Variants in NALCN observed in about 807,000 individuals in gnomAD.
The protein encoded by NALCN is sodium leak channel, non-selective, also known as sodium leak channel NALCN.
In NALCN, 111 loss-of-function variants were observed where a neutral mutation model predicts 225.3. The ratio of observed to expected loss-of-function variants is 0.49; its 90% CI spans 0.42 to 0.58. NALCN has a LOEUF of 0.58. Among genes scored for constraint, NALCN ranks in the 20% least tolerant of loss-of-function variants. The pLI is 0.00. For missense variants in NALCN, 1,378 were observed against 2,202.4 expected, an observed-to-expected ratio of 0.63 and a Z score of 7.49; for synonymous variants, 764 against 769.0, an observed-to-expected ratio of 0.99 and a Z score of 0.11.
intron 2 of NALCN, among the ~76,000 whole-genome samples, chr13:101,395,940 T>C (rs1381706135): frequency 1.3e-5 from 2 of 152,204 alleles, no homozygotes; most frequent in Non-Finnish European, 2.9e-5. Context: ...CCTTTCTATT[T>C]GTATCTGATA....
intron 7 of NALCN, among the ~76,000 whole-genome samples, chr13:101,324,316 T>C (rs1451010407): frequency 6.6e-6 from 1 of 152,244 alleles, no homozygotes; most frequent in African/African-American, 2.4e-5. Context: ...AACATTTTAG[T>C]GGGTTTCTGT....
At chr13:101,083,883 CA>C in intron 30 of NALCN, 79 bp from the exon 31 acceptor site, 1 of 1,330,254 alleles carries the variant, frequency 7.5e-7, no homozygotes, top group Non-Finnish European at 1.1e-6. Context: ...GGTGCCGAGA[CA>C]AACAGGACTG....
At chr13:101,293,943 T>C (rs2043641906) in intron 7 of NALCN, among the ~76,000 whole-genome samples, 1 of 152,234 alleles carries the variant, frequency 6.6e-6, no homozygotes, top group South Asian at 2.1e-4. Context: ...GTAAAGCATG[T>C]TGAGTTTCTA....
chr13:101,303,299 G>A (rs768970536), intron 7 of NALCN, among the ~76,000 whole-genome samples: 4 of 152,134 alleles, frequency 2.6e-5, no homozygotes, highest in Non-Finnish European at 4.4e-5. Flanking sequence ...CTACAAAGAC[G>A]TGGTTCTCTG....
intron 7 of NALCN, among the ~76,000 whole-genome samples, chr13:101,327,814 T>C (rs909612950): frequency 3.3e-4 from 50 of 152,138 alleles, no homozygotes; most frequent in Non-Finnish European, 1.3e-4. Flanking sequence ...TGTGGGAAGA[T>C]AGAATCAAAA....
At chr13:101,291,857 G>T in intron 9 of NALCN, 133 bp downstream of exon 9, 1 of 885,066 alleles carries the variant, frequency 1.1e-6, no homozygotes, top group Non-Finnish European at 1.8e-6. Flanking sequence ...ACTGGCAACT[G>T]TATTTTTAAA....
At chr13:101,177,797 T>C (rs1444839177) in intron 14 of NALCN, among the ~76,000 whole-genome samples, 1 of 152,140 alleles carries the variant, frequency 6.6e-6, no homozygotes, top group Non-Finnish European at 1.5e-5. Context: ...AGCATGAAGG[T>C]CAGAAAGTTG....
In NALCN at chr13:101,053,921, G is replaced by A. The variant is rs532069848; in HGVS notation, c.*1374C>T. 1.3e-5 allele frequency: 2 copies of A among 152,250 alleles called. No individual in the cohort carries two copies. The highest frequency in any genetic ancestry group is 4.2e-4 in the South Asian group (2 of 4,818). 9.4% of individuals were successfully genotyped at this position (152,250 alleles called of 1,614,324 possible). On this transcript the variant is annotated 3_prime_UTR_variant, in exon 44 of 44. Coordinates refer to ENST00000251127, the MANE Select transcript of NALCN (RefSeq NM_052867.4). ...CAATGAATCATATAAACTGTAGACT[G>A]CCACTACCACGATACTTCTGTGACA...
chr13:101,107,411 T>G, intron 22 of NALCN, 76 bp downstream of exon 22: 1 of 1,603,134 alleles, frequency 6.2e-7, no homozygotes, highest in South Asian at 1.1e-5. Flanking sequence ...TACACGTTCC[T>G]TCTTCTTCAT....
Position 101,379,655 on chromosome 13 carries a change from G to C in NALCN, c.292-1002C>G, listed in dbSNP as rs146140209. Among the ~76,000 whole-genome samples the C allele has an allele frequency of 2.2e-4, 33 of 152,180 alleles. 1 individual carries two copies. In the East Asian group the frequency reaches 5.8e-3, roughly 27 times the overall value. Reference sequence around the variant, plus strand: ...ACTGCATGTTCTCACTCATAAGTGGGAGTCGAACAATGAGAACATATGGAC... The same window carrying C: ...ACTGCATGTTCTCACTCATAAGTGGCAGTCGAACAATGAGAACATATGGAC... On this transcript the variant is annotated intron_variant, in intron 3 of 43. Transcript: ENST00000251127.
intron 17 of NALCN, among the ~76,000 whole-genome samples, chr13:101,133,527 T>C (rs2036616087): frequency 6.6e-6 from 1 of 152,178 alleles, no homozygotes; most frequent in Non-Finnish European, 1.5e-5. Flanking sequence ...CCAAATAAAA[T>C]ATAGTAATTG....
intron 7 of NALCN, among the ~76,000 whole-genome samples, chr13:101,324,825 G>A (rs1029049281): frequency 6.6e-6 from 1 of 152,136 alleles, no homozygotes; most frequent in Non-Finnish European, 1.5e-5. Flanking sequence ...GAATAGGAGT[G>A]GTGAGGGAGG....
intron 40 of NALCN, among the ~76,000 whole-genome samples, chr13:101,063,663 G>A (rs574730541): frequency 6.6e-6 from 1 of 152,216 alleles, no homozygotes; most frequent in South Asian, 2.1e-4. Flanking sequence ...GAACTGGATA[G>A]TGGGAGGTGA....
chr13:101,090,000 T>G lies in NALCN; in HGVS notation c.3270-34A>C. 1 of 1,612,838 alleles carries G rather than the reference T, an allele frequency of 6.2e-7. No homozygotes were observed. The highest frequency in any genetic ancestry group is 8.5e-7 in the Non-Finnish European group (1 of 1,179,228). Reference sequence around the variant, plus strand: ...CCAATACAGGAATGTTCTGTGAAATTCCAATAAGCAGCACCCGAAGGCAAA... The same window carrying G: ...CCAATACAGGAATGTTCTGTGAAATGCCAATAAGCAGCACCCGAAGGCAAA... On this transcript the variant is annotated intron_variant, in intron 28 of 43. Coordinates refer to ENST00000251127, the MANE Select transcript of NALCN (RefSeq NM_052867.4). The surrounding 1 kb of genome is among the most constrained non-coding windows in gnomAD (Gnocchi z 4.7).
At chr13:101,154,670 A>G (rs1312161938) in intron 15 of NALCN, among the ~76,000 whole-genome samples, 1 of 152,198 alleles carries the variant, frequency 6.6e-6, no homozygotes, top group Non-Finnish European at 1.5e-5. Flanking sequence ...TGATAATCCA[A>G]TGGTGATGAG....
intron 2 of NALCN, among the ~76,000 whole-genome samples, chr13:101,396,106 T>C (rs1378815356): frequency 6.6e-6 from 1 of 152,180 alleles, no homozygotes; most frequent in Non-Finnish European, 1.5e-5. Context: ...AAAATAACTT[T>C]CTGTGCAACA....
At chr13:101,101,420 A>G (rs1040564563) in intron 26 of NALCN, among the ~76,000 whole-genome samples, 18 of 151,678 alleles carry the variant, frequency 1.2e-4, no homozygotes, top group Non-Finnish European at 2.9e-5. Context: ...AGCTGGGACT[A>G]CAGGCACACG....
At chr13:101,315,863 A>G (rs1030747682) in intron 7 of NALCN, among the ~76,000 whole-genome samples, 1 of 126,466 alleles carries the variant, frequency 7.9e-6, no homozygotes, top group African/African-American at 3.0e-5. Flanking sequence ...GTAAGACTTG[A>G]CTCCTCCTTT....
intron 14 of NALCN, among the ~76,000 whole-genome samples, chr13:101,179,923 G>A (rs924784989): frequency 5.3e-5 from 8 of 151,912 alleles, no homozygotes; most frequent in African/African-American, 1.2e-4. Flanking sequence ...TCTGTCCCTC[G>A]GCTTGTGGCT....
Sources: allele counts gnomAD v4.1 joint callset (sites outside exome capture counted in the v4.1 genomes callset), GRCh38; gene constraint gnomAD v4.1.1; non-coding constraint Gnocchi (gnomAD v3.1); transcripts MANE v1.5; gene names NCBI Gene and HGNC (gene_info 2026-07-23, HGNC 2026-07-21).